The following AKAP19 variants were observed in gnomAD, a reference collection of about 807,000 sequenced individuals.
The protein encoded by AKAP19 is A-kinase anchoring protein 19.
At chr2:190,152,989 G>A in the AKAP19 span, among the ~76,000 whole-genome samples, 3 of 151,096 alleles carry the variant, frequency 2.0e-5, no homozygotes, top group Admixed American at 1.3e-4. Flanking sequence ...TCCGCCTCCC[G>A]GGTTCACGCC....
chr2:190,123,538 T>A, the AKAP19 span, among the ~76,000 whole-genome samples: 1 of 152,220 alleles, frequency 6.6e-6, no homozygotes, highest in South Asian at 2.1e-4. Flanking sequence ...GTCTTCCACA[T>A]TTAATTTAAG....
At chr2:190,162,337 A>G in the AKAP19 span, among the ~76,000 whole-genome samples, 4 of 152,202 alleles carry the variant, frequency 2.6e-5, no homozygotes, top group African/African-American at 9.6e-5. Context: ...CAGCCACTCT[A>G]GGTAATAGTA....
chr2:189,998,771 C>CTT, the AKAP19 span, among the ~76,000 whole-genome samples: 8,305 of 97,474 alleles, frequency 0.085, 679 homozygotes, highest in East Asian at 0.17. Flanking sequence ...TTCTTTCTTT[C>CTT]TTTTTTTTTT....
chr2:190,127,156 A>G, the AKAP19 span, among the ~76,000 whole-genome samples: 2 of 151,414 alleles, frequency 1.3e-5, no homozygotes, highest in Non-Finnish European at 2.9e-5. Context: ...GTAAATTACT[A>G]TTTGGAAAGA....
chr2:189,980,653 T>A, the AKAP19 span, among the ~76,000 whole-genome samples: 1 of 152,172 alleles, frequency 6.6e-6, no homozygotes, highest in African/African-American at 2.4e-5. Context: ...CACTTATAAG[T>A]GAGAGCTAAA....
the AKAP19 span, among the ~76,000 whole-genome samples, chr2:190,176,524 A>G: frequency 1.3e-5 from 2 of 151,914 alleles, no homozygotes; most frequent in African/African-American, 4.8e-5. This position sits in a 1 kb window ranked among gnomAD's most constrained non-coding sequence, Gnocchi z 4.7. Context: ...ATTTTTTTGT[A>G]TTTTTAGTAG....
the AKAP19 span, chr2:190,181,080 T>A: frequency 1.0e-6 from 1 of 985,530 alleles, no homozygotes; most frequent in Non-Finnish European, 1.2e-6. Context: ...GGACGTGCCA[T>A]GGGCGCGCAG....
At chr2:190,196,803 T>G in the AKAP19 span, among the ~76,000 whole-genome samples, 1 of 152,176 alleles carries the variant, frequency 6.6e-6, no homozygotes, top group Non-Finnish European at 1.5e-5. Context: ...CTGGCTTCTT[T>G]TGTGCTATAA....
the AKAP19 span, among the ~76,000 whole-genome samples, chr2:189,998,121 A>C: frequency 6.6e-6 from 1 of 152,088 alleles, no homozygotes; most frequent in Non-Finnish European, 1.5e-5. Context: ...CCCCTTTCAT[A>C]CTTTGGAAAG....
chr2:189,913,403 GATTT>G, the AKAP19 span, among the ~76,000 whole-genome samples: 1 of 151,906 alleles, frequency 6.6e-6, no homozygotes, highest in South Asian at 2.1e-4. Flanking sequence ...AAATTATCCA[GATTT>G]ATTAAATTAC....
chr2:190,057,451 T>G, the AKAP19 span: 1 of 1,613,490 alleles, frequency 6.2e-7, no homozygotes, highest in Non-Finnish European at 8.5e-7. Flanking sequence ...AAATTCACAC[T>G]CTCCAGAGCA....
At chr2:189,879,827 G>A in the AKAP19 span, 1 of 152,226 alleles carries the variant, frequency 6.6e-6, no homozygotes, top group Admixed American at 6.5e-5. Context: ...GGACTTTTAA[G>A]GTATGAGTTC....
At chr2:190,159,609 C>T in the AKAP19 span, among the ~76,000 whole-genome samples, 8 of 152,220 alleles carry the variant, frequency 5.3e-5, no homozygotes, top group Non-Finnish European at 1.2e-4. Context: ...CAAGTTCTCT[C>T]GTCCCTAAGG....
At chr2:190,169,662 G>A in the AKAP19 span, among the ~76,000 whole-genome samples, 2 of 152,212 alleles carry the variant, frequency 1.3e-5, no homozygotes, top group African/African-American at 4.8e-5. Flanking sequence ...TAAGCATTAT[G>A]AAATATGATC....
chr2:190,114,444 T>TTTTG, the AKAP19 span, among the ~76,000 whole-genome samples: 361 of 151,908 alleles, frequency 2.4e-3, 3 homozygotes, highest in Admixed American at 7.9e-3. Context: ...AAAGAAAGTG[T>TTTTG]TTTGTTTGTT....
At chr2:190,099,433 C>T in the AKAP19 span, among the ~76,000 whole-genome samples, 1 of 152,170 alleles carries the variant, frequency 6.6e-6, no homozygotes, top group Non-Finnish European at 1.5e-5. Flanking sequence ...ACACATACAA[C>T]ATTTATTAAG....
At chr2:190,014,301 C>T in the AKAP19 span, among the ~76,000 whole-genome samples, 2 of 152,106 alleles carry the variant, frequency 1.3e-5, no homozygotes, top group African/African-American at 4.8e-5. Context: ...CCTCAGGAAA[C>T]TTACAATAAT....
chr2:190,167,747 C>T, the AKAP19 span, among the ~76,000 whole-genome samples: 70 of 152,360 alleles, frequency 4.6e-4, no homozygotes, highest in Middle Eastern at 0.01. Flanking sequence ...TTTGACTCCA[C>T]GTCTCACATC....
chr2:189,921,651 TG>T, the AKAP19 span, among the ~76,000 whole-genome samples: 3 of 152,164 alleles, frequency 2.0e-5, no homozygotes, highest in African/African-American at 7.2e-5. Context: ...CATGTGTATG[TG>T]CTAATGGGAA....
Sources: allele counts gnomAD v4.1 joint callset (sites outside exome capture counted in the v4.1 genomes callset), GRCh38; gene constraint gnomAD v4.1.1; non-coding constraint Gnocchi (gnomAD v3.1); transcripts MANE v1.5; gene names NCBI Gene and HGNC (gene_info 2026-07-23, HGNC 2026-07-21).